MGMT: variants seen among roughly 807,000 people sequenced by gnomAD.
MGMT encodes the protein O-6-methylguanine-DNA methyltransferase.
A neutral mutation model predicts 15.9 loss-of-function variants in MGMT; 14 were observed. The observed-to-expected ratio is 0.88, with a 90% confidence interval of 0.58 to 1.37. The LOEUF is 1.37. Among genes scored for constraint, MGMT ranks in the 40% most tolerant of loss-of-function variants. The pLI, the probability that MGMT is intolerant of heterozygous loss-of-function variation, is 0.00. For missense variants in MGMT, 282 were observed against 268.1 expected (o/e 1.05, Z -0.36); for synonymous variants, 130 against 118.2 (o/e 1.10, Z -0.65).
intron 2 of MGMT, among the ~76,000 whole-genome samples, chr10:129,660,069 C>T (rs1847578344): frequency 6.6e-6 from 1 of 152,132 alleles, no homozygotes; most frequent in Non-Finnish European, 1.5e-5. Flanking sequence ...CTGCCAATTC[C>T]AACAGCCATT....
chr10:129,686,668 G>A (rs1224277040), intron 2 of MGMT, among the ~76,000 whole-genome samples: 1 of 152,190 alleles, frequency 6.6e-6, no homozygotes, highest in Non-Finnish European at 1.5e-5. Context: ...CGGCCTGCCA[G>A]GGCTGTTTTT....
intron 2 of MGMT, among the ~76,000 whole-genome samples, chr10:129,606,847 C>T (rs1846897323): frequency 6.6e-6 from 1 of 152,200 alleles, no homozygotes; most frequent in African/African-American, 2.4e-5. Flanking sequence ...AATGATTCCT[C>T]ATCTCAATTT....
In MGMT at chr10:129,769,976, G is replaced by A. The variant is rs1382257485; in HGVS notation, c.*2979G>A. Among the ~76,000 whole-genome samples, 1 of 152,188 alleles carries A rather than the reference G, an allele frequency of 6.6e-6. No individual in the cohort carries two copies. The highest frequency in any genetic ancestry group is 6.5e-5 in the Admixed American group (1 of 15,276). On this transcript the variant is annotated 3_prime_UTR_variant, in exon 5 of 5. Transcript: ENST00000651593. ...CAGAGGAAGTGGGCAAGCTCACCTT[G>A]TAGAGAACTTACTTGGGGTTTGTAA...
chr10:129,738,097 C>T (rs761212719), intron 3 of MGMT, among the ~76,000 whole-genome samples: 95 of 152,352 alleles, frequency 6.2e-4, no homozygotes, highest in Non-Finnish European at 1.1e-3. Flanking sequence ...TCGAGCTTCC[C>T]GGCTGCGTTG....
chr10:129,467,294 T>C lies in MGMT; in HGVS notation c.-15T>C. 6.5e-7 allele frequency: 1 copy of C among 1,539,870 alleles called. No homozygotes were observed. The highest frequency in any genetic ancestry group is 8.7e-7 in the Non-Finnish European group (1 of 1,143,290). The stretch of plus-strand genomic sequence containing the variant: ...CCTCGCGGTGCGCACCGTTTGCGAC[T>C]TGGTGAGTGTCTGGGTCGCCTCGCT... On this transcript the variant is annotated splice_region_variant and 5_prime_UTR_variant, in exon 1 of 5. Transcript: ENST00000651593.
intron 1 of MGMT, among the ~76,000 whole-genome samples, chr10:129,472,822 C>CG (rs1176346896): frequency 1.3e-5 from 2 of 152,154 alleles, no homozygotes; most frequent in African/African-American, 4.8e-5. Context: ...ACCTCTGGTG[C>CG]GTCTGAGGTC....
At chr10:129,640,804 T>A (rs1245826663) in intron 2 of MGMT, among the ~76,000 whole-genome samples, 1 of 152,202 alleles carries the variant, frequency 6.6e-6, no homozygotes, top group Non-Finnish European at 1.5e-5. Flanking sequence ...GTAAGACTGT[T>A]CAGTATTTCA....
At chr10:129,668,520 C>T (rs571981943) in intron 2 of MGMT, among the ~76,000 whole-genome samples, 10 of 152,224 alleles carry the variant, frequency 6.6e-5, no homozygotes, top group African/African-American at 2.4e-4. Flanking sequence ...TCCATTTATT[C>T]CCCATGTCTA....
At chr10:129,518,051 C>A (rs35476297) in intron 1 of MGMT, among the ~76,000 whole-genome samples, 2 of 151,738 alleles carry the variant, frequency 1.3e-5, no homozygotes, top group Non-Finnish European at 2.9e-5. Context: ...GGGGAGGGAG[C>A]GCTGTCTCCA....
chr10:129,470,140 C>T (rs1274668945), intron 1 of MGMT, among the ~76,000 whole-genome samples: 1 of 152,148 alleles, frequency 6.6e-6, no homozygotes. Flanking sequence ...GCCCTTCGCC[C>T]CACTCTTGTT....
At chr10:129,645,806 G>A (rs1847382308) in intron 2 of MGMT, among the ~76,000 whole-genome samples, 1 of 152,186 alleles carries the variant, frequency 6.6e-6, no homozygotes, top group Admixed American at 6.5e-5. Context: ...ATGGCGTGAT[G>A]TCTAATCTCC....
At chr10:129,488,650 C>T (rs1431116590) in intron 1 of MGMT, among the ~76,000 whole-genome samples, 3 of 152,192 alleles carry the variant, frequency 2.0e-5, no homozygotes, top group Non-Finnish European at 4.4e-5. Context: ...TCCTTATCCC[C>T]AGTCATAACA....
intron 1 of MGMT, among the ~76,000 whole-genome samples, chr10:129,535,283 T>A (rs1444836989): frequency 6.6e-6 from 1 of 151,976 alleles, no homozygotes; most frequent in Non-Finnish European, 1.5e-5. Context: ...CAAGACCCAG[T>A]GCCTAAGGAG....
In MGMT at chr10:129,558,039, C is replaced by T. The variant is rs117812576; in HGVS notation, c.125+21662C>T. On this transcript the variant is annotated intron_variant, in intron 2 of 4. Coordinates refer to ENST00000651593, the MANE Select transcript of MGMT (RefSeq NM_002412.5). ...TGGACAGCTGCGGGAAGAGGTTTCCCGGTTTACCTTGGCCCCCGTAACACC... is the reference window on the plus strand; with the variant it reads ...TGGACAGCTGCGGGAAGAGGTTTCCTGGTTTACCTTGGCCCCCGTAACACC... Among the ~76,000 whole-genome samples the T allele has an allele frequency of 6.4e-4, 97 of 152,254 alleles. 1 individual carries two copies. The East Asian group carries it at 0.014, about 22-fold the overall frequency.
Position 129,766,945 on chromosome 10 carries a change from G to A in MGMT, c.572G>A (p.Trp191Ter), listed in dbSNP as rs200569730. The A allele has an allele frequency of 2.0e-4, 318 of 1,612,778 alleles. No homozygotes were observed. The highest frequency in any genetic ancestry group is 2.6e-4 in the Non-Finnish European group (303 of 1,179,712). ...GGGAGCTCAGGTCTGGCAGGGGCCT[G>A]GCTCAAGGGAGCGGGAGCTACCTCG... The part of the protein sequence containing the change: ...LGGSSGLAGA[W>*]LKGAGATSGS... Residue 191 changes from tryptophan to a stop codon, truncating the protein, a stop_gained, in exon 5 of 5, where the codon TGG becomes TAG. Coordinates refer to ENST00000651593, the MANE Select transcript of MGMT (RefSeq NM_002412.5). LOFTEE classifies it low-confidence loss of function (END_TRUNC).
At chr10:129,679,427 G>A (rs982752858) in intron 2 of MGMT, among the ~76,000 whole-genome samples, 5 of 152,154 alleles carry the variant, frequency 3.3e-5, no homozygotes, top group African/African-American at 2.4e-5. Flanking sequence ...TGACCAAAGA[G>A]CGTTTTTTTC....
chr10:129,538,645 T>A (rs1182997), intron 2 of MGMT, among the ~76,000 whole-genome samples: 1 of 152,016 alleles, frequency 6.6e-6, no homozygotes, highest in Non-Finnish European at 1.5e-5. Context: ...TTTTTTTTTT[T>A]ATTTCTTTGA....
At chr10:129,488,865 AT>A (rs1845439301) in intron 1 of MGMT, among the ~76,000 whole-genome samples, 3 of 152,118 alleles carry the variant, frequency 2.0e-5, no homozygotes, top group African/African-American at 7.2e-5. Context: ...TATGACAAAC[AT>A]GTGACATGTG....
At chr10:129,734,407 T>C (rs1372950631) in intron 3 of MGMT, among the ~76,000 whole-genome samples, 2 of 149,580 alleles carry the variant, frequency 1.3e-5, no homozygotes, top group Non-Finnish European at 3.0e-5. Context: ...TGTACATTGA[T>C]TTTGTATCCT....
Sources: gnomAD v4.1 joint callset for allele counts (sites outside exome capture counted in the v4.1 genomes callset) on GRCh38, gnomAD v4.1.1 for gene constraint, MANE v1.5 for transcripts, NCBI Gene and HGNC (gene_info 2026-07-23, HGNC 2026-07-21) for gene names.